The following DCAF10 variants were observed in gnomAD, a reference collection of about 807,000 sequenced individuals.
DCAF10 encodes the protein DDB1 and CUL4 associated factor 10, also known as DDB1- and CUL4-associated factor 10.
In DCAF10, 19 loss-of-function variants were observed where a neutral mutation model predicts 51.9. The observed-to-expected ratio is 0.37, with a 90% confidence interval of 0.26 to 0.54. DCAF10 has a LOEUF of 0.54. Among genes scored for constraint, DCAF10 ranks in the 20% least tolerant of loss-of-function variants. The probability of loss-of-function intolerance (pLI) is 0.87; values close to 1 mark genes in which losing one functional copy is unlikely to be tolerated. For missense variants in DCAF10, 510 were observed against 730.6 expected, an observed-to-expected ratio of 0.70 and a Z score of 3.48; for synonymous variants, 291 against 297.1, an observed-to-expected ratio of 0.98 and a Z score of 0.21.
chr9:37,866,990 G>A lies in DCAF10; in HGVS notation c.*5482G>A, dbSNP rs542518637. On this transcript the variant is annotated 3_prime_UTR_variant, in exon 7 of 7. Transcript: ENST00000377724. ...ACATAGGCTTAAATTATCACGTATTGTTACAAAGACACAGTTTTGTCTCAT... is the reference window on the plus strand; with the variant it reads ...ACATAGGCTTAAATTATCACGTATTATTACAAAGACACAGTTTTGTCTCAT... The A allele has an allele frequency of 6.6e-6, 1 of 152,166 alleles. No homozygotes were observed. The highest frequency in any genetic ancestry group is 1.5e-5 in the Non-Finnish European group (1 of 68,004). The allele number at this position is 152,166 out of a possible 1,614,324, so 9.4% of individuals were successfully genotyped here.
chr9:37,812,706 T>A (rs192577646), intron 1 of DCAF10, among the ~76,000 whole-genome samples: 2 of 152,338 alleles, frequency 1.3e-5, no homozygotes, highest in East Asian at 3.9e-4. Context: ...TGAACACTGC[T>A]CACTGCAGCC....
intron 6 of DCAF10, 91 bp downstream of exon 6, chr9:37,860,284 GTC>G (rs1380547078): frequency 7.2e-6 from 11 of 1,527,082 alleles, no homozygotes; most frequent in Non-Finnish European, 9.8e-6. Context: ...GCTGACTGCA[GTC>G]TCTGCCTTCA....
rs1831016381 is a variant in DCAF10, at chr9:37,861,512, C to A, written c.*4C>A. On this transcript the variant is annotated 3_prime_UTR_variant, in exon 7 of 7. Coordinates refer to ENST00000377724, the MANE Select transcript of DCAF10 (RefSeq NM_024345.5). The surrounding 1 kb of genome is among the most constrained non-coding windows in gnomAD (Gnocchi z 4.9). ...TTTGTATCAGCCAAAGTTTTAGGCA[C>A]AACTTACATCAAATAAGGAACTCTT... is the stretch of plus-strand genomic sequence containing the variant. The A allele has an allele frequency of 1.3e-6, 2 of 1,598,570 alleles. No individual in the cohort carries two copies. Among genetic ancestry groups the A allele is most frequent in the African/African-American group, 1.3e-5 (1 of 74,548 alleles).
intron 1 of DCAF10, among the ~76,000 whole-genome samples, chr9:37,816,129 TA>T (rs112155353): frequency 6.6e-5 from 10 of 151,370 alleles, no homozygotes; most frequent in South Asian, 2.1e-4. Context: ...TATTCAAATA[TA>T]AAAAAAAATC....
chr9:37,851,826 G>C (rs750376718), intron 3 of DCAF10, among the ~76,000 whole-genome samples: 4 of 150,688 alleles, frequency 2.7e-5, no homozygotes, highest in Non-Finnish European at 5.9e-5. Context: ...TATGAAAATA[G>C]ATATTGAAAA....
At chr9:37,804,668 C>G (rs1829058473) in intron 1 of DCAF10, among the ~76,000 whole-genome samples, 1 of 151,684 alleles carries the variant, frequency 6.6e-6, no homozygotes, top group Non-Finnish European at 1.5e-5. Context: ...CCCAGCTACT[C>G]AGGAGGCTGA....
intron 3 of DCAF10, among the ~76,000 whole-genome samples, chr9:37,848,501 G>T (rs1830539234): frequency 6.6e-6 from 1 of 152,178 alleles, no homozygotes; most frequent in African/African-American, 2.4e-5. Flanking sequence ...CTATTTATAT[G>T]AAATATCTAG....
At chr9:37,850,080 G>GTGGGCCAAATTTGGCCCA (rs1232675338) in intron 3 of DCAF10, among the ~76,000 whole-genome samples, 1 of 152,092 alleles carries the variant, frequency 6.6e-6, no homozygotes, top group Non-Finnish European at 1.5e-5. Flanking sequence ...ATAGATAAAA[G>GTGGGCCAAATTTGGCCCA]TGGGCCAAAT....
intron 1 of DCAF10, among the ~76,000 whole-genome samples, chr9:37,809,765 G>A (rs757025607): frequency 6.6e-6 from 1 of 152,172 alleles, no homozygotes; most frequent in East Asian, 1.9e-4. Context: ...CCCGAGGGGC[G>A]GAGGTTGCAG....
intron 1 of DCAF10, among the ~76,000 whole-genome samples, chr9:37,808,590 T>G (rs1369248621): frequency 9.4e-6 from 1 of 106,818 alleles, no homozygotes; most frequent in African/African-American, 3.7e-5. Flanking sequence ...ATAAAATATA[T>G]TTATATAATA....
In DCAF10 at chr9:37,866,534, A is replaced by G. The variant is rs750274126; in HGVS notation, c.*5026A>G. On this transcript the variant is annotated 3_prime_UTR_variant, in exon 7 of 7. Transcript: ENST00000377724. ...CCACACTATCAATATGCCTGCTTCT[A>G]ACAGGCTCCCCACTTTCTTCTAATG... 1 of 152,264 alleles carries G rather than the reference A, an allele frequency of 6.6e-6. No homozygotes were observed. Among genetic ancestry groups the G allele is most frequent in the Non-Finnish European group, 1.5e-5 (1 of 68,044 alleles). The allele number at this position is 152,264 out of a possible 1,614,324, so 9.4% of individuals were successfully genotyped here.
At chr9:37,817,149 G>T (rs1479365439) in intron 1 of DCAF10, among the ~76,000 whole-genome samples, 1 of 152,078 alleles carries the variant, frequency 6.6e-6, no homozygotes, top group African/African-American at 2.4e-5. Context: ...GACAAATTGT[G>T]TACCAGCAAT....
rs1486938406 is a variant in DCAF10 at position 37,857,311 on chromosome 9, T to G, written c.1125T>G (p.Asn375Lys). The G allele has an allele frequency of 4.3e-6, 7 of 1,611,178 alleles. No individual in the cohort carries two copies. The highest frequency in any genetic ancestry group is 5.9e-6 in the Non-Finnish European group (7 of 1,179,064). The change falls in exon 5 of 7, where the codon AAT becomes AAG. Residue 375 changes from asparagine to lysine, a missense_variant. Asn to Lys is a moderately conservative substitution (Grantham distance 94). This residue lies in a region of DCAF10 where 29 missense variants were observed against 24.9 expected (regional missense o/e 1.16). Transcript: ENST00000377724. ...CACCTTGTCATCATAGTGATTCTAA[T>G]TCTTCTGAGAAACACATGTCACGAG... is the stretch of plus-strand genomic sequence containing the variant. ...SGSPCHHSDS[N>K]SSEKHMSRAS...
intron 1 of DCAF10, among the ~76,000 whole-genome samples, chr9:37,817,063 C>G (rs1055566925): frequency 2.0e-5 from 3 of 152,106 alleles, no homozygotes; most frequent in African/African-American, 7.2e-5. Context: ...TACCAATATA[C>G]AGTCGAAGAA....
chr9:37,810,536 A>G (rs1313799494), intron 1 of DCAF10, among the ~76,000 whole-genome samples: 1 of 151,544 alleles, frequency 6.6e-6, no homozygotes, highest in Non-Finnish European at 1.5e-5. Context: ...ATCTTGGCTC[A>G]TTGCAACCTC....
chr9:37,807,634 T>G (rs1227632578), intron 1 of DCAF10, among the ~76,000 whole-genome samples: 1 of 150,950 alleles, frequency 6.6e-6, no homozygotes, highest in Non-Finnish European at 1.5e-5. Flanking sequence ...TAATTTATAT[T>G]ACCACTGAAT....
chr9:37,814,231 C>T (rs1192084370), intron 1 of DCAF10, among the ~76,000 whole-genome samples: 6 of 146,682 alleles, frequency 4.1e-5, no homozygotes, highest in Non-Finnish European at 6.0e-5. Context: ...CTCTGCCTCC[C>T]GGGTTCAAGC....
rs1214098387 is a variant in DCAF10 at position 37,865,522 on chromosome 9, CATG to C, written c.*4017_*4019del. 2 of 152,112 alleles carry C rather than the reference CATG, an allele frequency of 1.3e-5. No individual in the cohort carries two copies. Among genetic ancestry groups the C allele is most frequent in the African/African-American group, 4.8e-5 (2 of 41,412 alleles). The allele number at this position is 152,112 out of a possible 1,614,324, so 9.4% of individuals were successfully genotyped here. ...TATTCAGTAATTTTTATTCATAATT[CATG>C]ATAATTGGTAATGTAGTATAATTGT... is the stretch of plus-strand genomic sequence containing the variant. On this transcript the variant is annotated 3_prime_UTR_variant, in exon 7 of 7. Transcript: ENST00000377724.
intron 3 of DCAF10, among the ~76,000 whole-genome samples, chr9:37,850,392 A>G (rs981608227): frequency 2.6e-5 from 4 of 152,194 alleles, no homozygotes; most frequent in South Asian, 4.1e-4. Flanking sequence ...ACGTCCATCA[A>G]TGAATGAATG....
Sources: allele counts gnomAD v4.1 joint callset (sites outside exome capture counted in the v4.1 genomes callset), GRCh38; gene constraint gnomAD v4.1.1; regional missense constraint gnomAD v4.1.1; non-coding constraint Gnocchi (gnomAD v3.1); transcripts MANE v1.5; gene names NCBI Gene and HGNC (gene_info 2026-07-23, HGNC 2026-07-21).